The following INPP5B variants were observed in gnomAD, a reference collection of about 807,000 sequenced individuals.
The protein encoded by INPP5B is type II inositol 1,4,5-trisphosphate 5-phosphatase.
INPP5B carries 90 observed loss-of-function variants against 118.5 expected under a neutral mutation model. The observed-to-expected ratio is 0.76, with a 90% confidence interval of 0.64 to 0.90. The LOEUF is 0.90. INPP5B is among the 40% of genes least tolerant of loss of function. The probability of loss-of-function intolerance (pLI) is 0.00; values close to 1 mark genes in which losing one functional copy is unlikely to be tolerated. For synonymous variants in INPP5B, 385 were observed against 418.9 expected (o/e 0.92, Z 0.99); for missense variants, 984 against 1,125.6 (o/e 0.87, Z 1.80).
intron 8 of INPP5B, 29 bp from the exon 9 acceptor site, chr1:37,889,753 T>C (rs1643737314): frequency 1.3e-6 from 2 of 1,552,692 alleles, no homozygotes; most frequent in Non-Finnish European, 1.8e-6. Context: ...TTTTTTCATA[T>C]GTGGATGAGT....
At chr1:37,873,606 C>T (rs1437963289) in intron 18 of INPP5B, among the ~76,000 whole-genome samples, 3 of 152,048 alleles carry the variant, frequency 2.0e-5, no homozygotes, top group Non-Finnish European at 4.4e-5. Flanking sequence ...AAGGAGAAGT[C>T]GGGAAAAATG....
intron 5 of INPP5B, chr1:37,941,958 A>AAAAAAAATATATATATATATATATATAT (rs1427344681): frequency 3.3e-5 from 1 of 30,392 alleles, no homozygotes; most frequent in Non-Finnish European, 6.6e-5. Flanking sequence ...AAAAAAAAAA[A>AAAAAAAATATATATATATATATATATAT]ATATATATAT....
chr1:37,887,314 C>T, intron 11 of INPP5B, 37 bp downstream of exon 11: 1 of 1,194,458 alleles, frequency 8.4e-7, no homozygotes, highest in South Asian at 1.3e-5. Flanking sequence ...CCCTGCATGG[C>T]AACATAAAAT....
At chr1:37,931,666 G>C in intron 7 of INPP5B, 1 of 1,520,346 alleles carries the variant, frequency 6.6e-7, no homozygotes, top group South Asian at 1.2e-5. Context: ...CCCGCCGCCC[G>C]CCGAACCTGC....
In INPP5B at chr1:37,907,479, A is replaced by AT. The variant is rs1417853207; in HGVS notation, c.533-16026dup. The stretch of plus-strand genomic sequence containing the variant: ...GCTCTTTTATAAAAGGGAGGGAGAA[A>AT]TATCAGAGGCATTTGAACCACAGTA... On this transcript the variant is annotated intron_variant, in intron 7 of 23. Transcript: ENST00000373024. The surrounding 1 kb of genome is among the most constrained non-coding windows in gnomAD (Gnocchi z 4.3). 5.9e-5 allele frequency among the ~76,000 whole-genome samples: 9 copies of AT among 152,302 alleles called. No individual in the cohort carries two copies. The highest frequency in any genetic ancestry group is 4.1e-4 in the South Asian group (2 of 4,824).
chr1:37,946,277 A>G lies in INPP5B; in HGVS notation c.32T>C (p.Leu11Pro). 1.2e-6 allele frequency: 2 copies of G among 1,612,026 alleles called. No individual in the cohort carries two copies. The highest frequency in any genetic ancestry group is 1.7e-6 in the Non-Finnish European group (2 of 1,179,200). ...GATGACGCAGTATTCCCCCTCAGCC[A>G]GCGTCTCCTGGATTGCCACAGACTG... MDQSVAIQET[L>P]AEGEYCVIAV... Residue 11 changes from leucine (L) to proline (P), a missense_variant, in exon 2 of 24, where the codon CTG becomes CCG. By Grantham distance (98) the Leu-to-Pro change is moderately conservative. Coordinates refer to ENST00000373024, the MANE Select transcript of INPP5B (RefSeq NM_005540.3).
chr1:37,923,277 CA>C (rs1164096394), intron 7 of INPP5B, among the ~76,000 whole-genome samples: 1 of 152,018 alleles, frequency 6.6e-6, no homozygotes, highest in African/African-American at 2.4e-5. Context: ...GAGAAGTCAA[CA>C]AATAGGTGAA....
intron 7 of INPP5B, among the ~76,000 whole-genome samples, chr1:37,915,776 A>G (rs931535012): frequency 1.3e-5 from 2 of 152,230 alleles, no homozygotes; most frequent in Non-Finnish European, 2.9e-5. Context: ...ATAGTTAGCT[A>G]TAATAACATG....
At chr1:37,934,348 A>G (rs945938004) in intron 6 of INPP5B, among the ~76,000 whole-genome samples, 8 of 152,048 alleles carry the variant, frequency 5.3e-5, no homozygotes, top group Non-Finnish European at 1.0e-4. Context: ...GACCAAACGG[A>G]GAAATACAGT....
chr1:37,882,567 G>T (rs1643269682), intron 14 of INPP5B, among the ~76,000 whole-genome samples: 2 of 152,150 alleles, frequency 1.3e-5, no homozygotes, highest in Admixed American at 1.3e-4. Context: ...ATGACAAGGT[G>T]AGAGAGAGAA....
chr1:37,931,583 G>A (rs1413989009), intron 7 of INPP5B: 14 of 1,538,106 alleles, frequency 9.1e-6, no homozygotes, highest in Non-Finnish European at 1.2e-5. Context: ...GCGTCCACTG[G>A]CCAAACCGCC....
chr1:37,905,139 G>C (rs1356044283), intron 7 of INPP5B, among the ~76,000 whole-genome samples: 1 of 152,210 alleles, frequency 6.6e-6, no homozygotes. Context: ...GGTGGCTCAA[G>C]CCTGTAATCC....
chr1:37,902,531 A>G (rs1235121882), intron 7 of INPP5B, among the ~76,000 whole-genome samples: 3 of 152,040 alleles, frequency 2.0e-5, no homozygotes, highest in African/African-American at 7.2e-5. Flanking sequence ...GGAATCCAAG[A>G]CAACATGGTA....
At chr1:37,886,700 T>A (rs1210748011) in intron 12 of INPP5B, among the ~76,000 whole-genome samples, 188 bp downstream of exon 12, 3 of 152,218 alleles carry the variant, frequency 2.0e-5, no homozygotes, top group Non-Finnish European at 4.4e-5. Context: ...ATTGGTTAAA[T>A]CAGCAGGTAG....
At chr1:37,939,371 A>G (rs930953825) in intron 6 of INPP5B, among the ~76,000 whole-genome samples, 1 of 151,968 alleles carries the variant, frequency 6.6e-6, no homozygotes, top group Non-Finnish European at 1.5e-5. Flanking sequence ...TCTCAAAAAA[A>G]TAAATAAAAT....
In INPP5B at chr1:37,887,471, T is replaced by G; in HGVS notation, c.900-6A>C. ...TCAGATCAAGCTCCTGGAACCTATT[T>G]TGAGAAGCAACCAGTTAGATAGTAA... is the stretch of plus-strand genomic sequence containing the variant. On this transcript the variant is annotated splice_polypyrimidine_tract_variant and splice_region_variant and intron_variant, in intron 10 of 23. Coordinates refer to ENST00000373024, the MANE Select transcript of INPP5B (RefSeq NM_005540.3). 6.5e-7 allele frequency: 1 copy of G among 1,539,830 alleles called. No homozygotes were observed. Among genetic ancestry groups the G allele is most frequent in the Non-Finnish European group, 9.0e-7 (1 of 1,117,150 alleles).
At chr1:37,867,136 G>A (rs1362220313) in intron 20 of INPP5B, among the ~76,000 whole-genome samples, 3 of 152,214 alleles carry the variant, frequency 2.0e-5, no homozygotes, top group Admixed American at 6.5e-5. Context: ...GGAGGCTGAG[G>A]CAGGAGAATT....
chr1:37,874,389 A>G (rs1276337757), intron 17 of INPP5B, among the ~76,000 whole-genome samples: 1 of 152,246 alleles, frequency 6.6e-6, no homozygotes, highest in Admixed American at 6.5e-5. Flanking sequence ...TGAAGAAGTC[A>G]AAGTTTATAT....
intron 9 of INPP5B, 132 bp downstream of exon 9, chr1:37,889,425 C>A: frequency 1.4e-6 from 1 of 694,934 alleles, no homozygotes; most frequent in Non-Finnish European, 2.4e-6. Context: ...TGGAATCACT[C>A]ATTTTGAAAA....
Sources: allele counts gnomAD v4.1 joint callset (sites outside exome capture counted in the v4.1 genomes callset), GRCh38; gene constraint gnomAD v4.1.1; non-coding constraint Gnocchi (gnomAD v3.1); transcripts MANE v1.5; gene names NCBI Gene and HGNC (gene_info 2026-07-23, HGNC 2026-07-21).